The following CLSPN variants were observed in gnomAD, a reference collection of about 807,000 sequenced individuals.
CLSPN encodes claspin.
Under a neutral mutation model 156.3 loss-of-function variants are expected in CLSPN, and 85 were observed. The observed-to-expected ratio is 0.54, with a 90% CI of 0.46 to 0.65. CLSPN has a LOEUF of 0.65. Ranked by LOEUF, CLSPN falls within the 30% of genes least tolerant of loss-of-function variation. CLSPN has a pLI of 0.00. For synonymous variants in CLSPN, 534 were observed against 542.4 expected, an observed-to-expected ratio of 0.98 and a Z score of 0.22; for missense variants, 1,407 against 1,554.9, an observed-to-expected ratio of 0.90 and a Z score of 1.60.
At chr1:35,751,986 T>C (rs1642102858) in intron 9 of CLSPN, among the ~76,000 whole-genome samples, 1 of 152,176 alleles carries the variant, frequency 6.6e-6, no homozygotes, top group African/African-American at 2.4e-5. Flanking sequence ...CATGTTAGCC[T>C]GGCAAAAATT....
Position 35,753,902 on chromosome 1 carries a change from AT to A in CLSPN, c.1613del (p.His538LeufsTer14), listed in dbSNP as rs1557516173. 9 of 1,614,052 alleles carry A rather than the reference AT, an allele frequency of 5.6e-6. No homozygotes were observed. The highest frequency in any genetic ancestry group is 7.6e-6 in the Non-Finnish European group (9 of 1,180,030). On this transcript the variant is annotated frameshift_variant, in exon 9 of 25. Transcript: ENST00000318121. LOFTEE classifies it high-confidence loss of function. Reference protein sequence around the residue: ...LEALKQRFWKHANPAAKPRAG... With the variant: ...LEALKQRFWKXANPAAKPRAG... ...CCCTGGGTTTGGCTGCTGGATTAGC[AT>A]GCTTCCAGAAACGCTGCTTCAAGGC...
intron 3 of CLSPN, 132 bp downstream of exon 3, chr1:35,764,134 G>C (rs1642585225): frequency 1.6e-6 from 1 of 644,946 alleles, no homozygotes; most frequent in Non-Finnish European, 2.6e-6. Flanking sequence ...TACCTATTGA[G>C]AATAATTCTC....
At chr1:35,745,290 C>T (rs989325468) in intron 16 of CLSPN, among the ~76,000 whole-genome samples, 161 bp downstream of exon 16, 1 of 152,134 alleles carries the variant, frequency 6.6e-6, no homozygotes, top group Admixed American at 6.6e-5. Flanking sequence ...CTTTTTTACC[C>T]TGTTCTCCAC....
chr1:35,724,169 C>T (rs1349319949), intron 24 of CLSPN, among the ~76,000 whole-genome samples: 5 of 152,162 alleles, frequency 3.3e-5, no homozygotes, highest in Non-Finnish European at 5.9e-5. Flanking sequence ...GAACTCCCAA[C>T]CTTAAGTGAT....
chr1:35,762,472 G>T lies in CLSPN; in HGVS notation c.754C>A (p.Pro252Thr), dbSNP rs1394624045. The T allele has an allele frequency of 2.5e-6, 4 of 1,613,486 alleles. No individual in the cohort carries two copies. Among genetic ancestry groups the T allele is most frequent in the Admixed American group, 1.7e-5 (1 of 59,910 alleles). Residue 252 changes from proline (P) to threonine (T), a missense_variant, in exon 5 of 25, where the codon CCA becomes ACA. Pro to Thr is a conservative substitution (Grantham distance 38, BLOSUM62 -1). Around this residue, in one of 3 missense-constraint regions of CLSPN, gnomAD observed 1,096 missense variants for 1,193.0 expected, o/e 0.92. Transcript: ENST00000318121. ...NKVKKHKKKEPSLESGVHSFE... is the reference protein window; with the variant it reads ...NKVKKHKKKETSLESGVHSFE... ...GAATGGACCCCACTCTCCAAAGATG[G>T]TTCTTTTTTCTAAAAGAAATGGCAG...
chr1:35,765,157 A>T, intron 2 of CLSPN, 61 bp downstream of exon 2: 1 of 938,208 alleles, frequency 1.1e-6, no homozygotes, highest in Non-Finnish European at 1.7e-6. Context: ...AAATCAATCC[A>T]ATCTACTTAC....
At position 35,764,602 on chromosome 1, in the gene CLSPN, G is replaced by A. The variant is rs747656337; in HGVS notation, c.246C>T (p.Asp82=). The change falls in exon 3 of 25, where the codon GAC becomes GAT. Residue 82 remains aspartate, a synonymous_variant. Transcript: ENST00000318121. ...TNASPEKTTY[D]SAEEENKENL... ...TCTCTTTATTTTCCTCCTCGGCACT[G>A]TCATAGGTAGTTTTCTCTGGAGAGG... 1.2e-5 allele frequency: 20 copies of A among 1,613,666 alleles called. No homozygotes were observed. The highest frequency in any genetic ancestry group is 1.6e-4 in the Middle Eastern group (1 of 6,062).
chr1:35,745,180 C>T (rs1641834807), intron 16 of CLSPN, among the ~76,000 whole-genome samples: 1 of 152,142 alleles, frequency 6.6e-6, no homozygotes, highest in Non-Finnish European at 1.5e-5. Context: ...CACTAACACT[C>T]TTGGGGTTTT....
downstream of CLSPN, among the ~76,000 whole-genome samples, chr1:35,729,542 C>A (rs192199628): frequency 6.6e-6 from 1 of 152,268 alleles, no homozygotes; most frequent in East Asian, 1.9e-4. Flanking sequence ...CAGACCAAGA[C>A]AATAAAACTA....
chr1:35,724,728 G>A (rs1641141008), intron 24 of CLSPN, among the ~76,000 whole-genome samples: 1 of 152,144 alleles, frequency 6.6e-6, no homozygotes, highest in Non-Finnish European at 1.5e-5. Flanking sequence ...CCAAGACCAG[G>A]CACAACCCCA....
At position 35,763,261 on chromosome 1, in the gene CLSPN, A is replaced by G. The variant is rs768786783; in HGVS notation, c.643T>C (p.Phe215Leu). The change falls in exon 4 of 25, where the codon TTT becomes CTT. Residue 215 changes from phenylalanine (F) to leucine (L), a missense_variant. Physicochemically the swap from Phe to Leu is conservative, Grantham distance 22. Transcript: ENST00000318121. The part of the protein sequence containing the change: ...SGCLLVDKDL[F>L]ETGLEDENNS... ...TTTTCATCCTCCAACCCAGTTTCAA[A>G]AAGGTCTTTATCCACAAGAAGACAG... 3 of 1,609,346 alleles carry G rather than the reference A, an allele frequency of 1.9e-6. No homozygotes were observed. In the South Asian group the frequency reaches 3.3e-5, roughly 18 times the overall value.
chr1:35,748,816 AGTTC>A, intron 12 of CLSPN: 4 of 486,688 alleles, frequency 8.2e-6, no homozygotes, highest in Non-Finnish European at 3.8e-6. Context: ...GACACTTGAA[AGTTC>A]TTTTTTTTTT....
intron 8 of CLSPN, 90 bp from the exon 9 acceptor site, chr1:35,754,026 A>G: frequency 8.6e-7 from 1 of 1,166,664 alleles, no homozygotes; most frequent in Non-Finnish European, 1.2e-6. Flanking sequence ...TTAGCTCAAC[A>G]ATTATGAGGG....
rs1331981382 is a variant in CLSPN at position 35,739,419 on chromosome 1, T to C, written c.3254A>G (p.Asp1085Gly). 1 of 1,614,188 alleles carries C rather than the reference T, an allele frequency of 6.2e-7. No homozygotes were observed. Among genetic ancestry groups the C allele is most frequent in the Non-Finnish European group, 8.5e-7 (1 of 1,180,032 alleles). The change falls in exon 19 of 25, where the codon GAT becomes GGT. Residue 1085 changes from aspartate (D) to glycine (G), a missense_variant. By Grantham distance (94) the Asp-to-Gly change is moderately conservative (BLOSUM62 -1). This residue lies in a region of CLSPN where 70 missense variants were observed against 121.5 expected (regional missense o/e 0.58). Coordinates refer to ENST00000318121, the MANE Select transcript of CLSPN (RefSeq NM_022111.4). The stretch of plus-strand genomic sequence containing the variant: ...TTCCTCATCAGAAGGAAGTACTTCA[T>C]CAATTACGTCCTCTTCATATTCATC... Reference protein sequence around the residue: ...EIDEYEEDVIDEVLPSDEELQ... With the variant: ...EIDEYEEDVIGEVLPSDEELQ...
At position 35,733,206 on chromosome 1, in the gene CLSPN, G is replaced by T. The variant is rs1641359375; in HGVS notation, c.*3290C>A. On this transcript the variant is annotated 3_prime_UTR_variant, in exon 25 of 25. Transcript: ENST00000318121. ...TGGTCTCCAACTCCTGACCTTAGGT[G>T]ATCCAGCTGCCTCAGCCTCCCAAAG... Among the ~76,000 whole-genome samples, 1 of 151,826 alleles carries T rather than the reference G, an allele frequency of 6.6e-6. No homozygotes were observed. Among genetic ancestry groups the T allele is most frequent in the African/African-American group, 2.4e-5 (1 of 41,360 alleles).
Position 35,733,522 on chromosome 1 carries a change from G to A in CLSPN, c.*2974C>T. On this transcript the variant is annotated 3_prime_UTR_variant, in exon 25 of 25. Transcript: ENST00000318121. ...CAAAAGACATGTAGGGAAACAAGAG[G>A]GAAGAAATATCTAGCCTTCCTGCTC... 1.0e-6 allele frequency: 1 copy of A among 985,192 alleles called. No individual in the cohort carries two copies. Among genetic ancestry groups the A allele is most frequent in the Non-Finnish European group, 1.2e-6 (1 of 829,874 alleles). 61.0% of individuals were successfully genotyped at this position (985,192 alleles called of 1,614,324 possible).
intron 14 of CLSPN, 46 bp from the exon 15 acceptor site, chr1:35,747,038 G>A (rs1430893261): frequency 6.7e-7 from 1 of 1,491,166 alleles, no homozygotes. Flanking sequence ...ATTCCTCAGA[G>A]AGGGCCGGGT....
At chr1:35,741,815 A>T (rs937650380) in intron 18 of CLSPN, among the ~76,000 whole-genome samples, 1 of 151,572 alleles carries the variant, frequency 6.6e-6, no homozygotes, top group Non-Finnish European at 1.5e-5. Flanking sequence ...TCTACTAAAT[A>T]TACAAAAATT....
At chr1:35,757,281 G>A (rs1642304596) in intron 8 of CLSPN, among the ~76,000 whole-genome samples, 1 of 152,122 alleles carries the variant, frequency 6.6e-6, no homozygotes, top group Admixed American at 6.5e-5. Context: ...CAATTTCTTT[G>A]AGAGCAGGGA....
Sources: allele counts gnomAD v4.1 joint callset (sites outside exome capture counted in the v4.1 genomes callset), GRCh38; gene constraint gnomAD v4.1.1; regional missense constraint gnomAD v4.1.1; transcripts MANE v1.5; gene names NCBI Gene and HGNC (gene_info 2026-07-23, HGNC 2026-07-21).